The following SLC9C1 variants were observed in gnomAD, a reference collection of about 807,000 sequenced individuals.
SLC9C1 encodes the protein sodium/hydrogen exchanger 10.
SLC9C1 carries 97 observed loss-of-function variants against 140.9 expected under a neutral mutation model. The observed-to-expected ratio is 0.69, with a 90% CI of 0.58 to 0.82. The LOEUF (loss-of-function observed/expected upper bound fraction) is 0.82. SLC9C1 is among the 40% of genes least tolerant of loss of function. The probability of loss-of-function intolerance (pLI) is 0.00; values close to 1 mark genes in which losing one functional copy is unlikely to be tolerated. For missense variants in SLC9C1, 1,340 were observed against 1,389.3 expected, an observed-to-expected ratio of 0.96 and a Z score of 0.56; for synonymous variants, 440 against 442.6, an observed-to-expected ratio of 0.99 and a Z score of 0.07.
intron 20 of SLC9C1, chr3:112,185,999 G>A: frequency 1.3e-6 from 2 of 1,537,102 alleles, no homozygotes; most frequent in Non-Finnish European, 8.7e-7. Flanking sequence ...AGGCCCCGCG[G>A]TATTTAGCAC....
At chr3:112,235,249 G>T (rs1181077719) in intron 12 of SLC9C1, among the ~76,000 whole-genome samples, 1 of 108,474 alleles carries the variant, frequency 9.2e-6, no homozygotes, top group African/African-American at 3.2e-5. Context: ...GTGAATGGGA[G>T]TTCACTCATG....
At chr3:112,293,978 C>G (rs1470236652) in intron 1 of SLC9C1, 115 bp downstream of exon 1, 2 of 152,078 alleles carry the variant, frequency 1.3e-5, no homozygotes, top group African/African-American at 4.8e-5. Flanking sequence ...GTGGCTGAAT[C>G]TCTAGCAGGA....
chr3:112,249,422 G>A lies in SLC9C1; in HGVS notation c.1198-5346C>T, dbSNP rs993535292. Among the ~76,000 whole-genome samples the A allele has an allele frequency of 6.6e-5, 10 of 151,894 alleles. No individual in the cohort carries two copies. The South Asian group carries it at 1.9e-3, about 28-fold the overall frequency. The stretch of plus-strand genomic sequence containing the variant: ...TGGCCCGAAGTTTTATTTTTCTGTT[G>A]TGTCTCTGCTAGCTCTGCCAGGTTT... On this transcript the variant is annotated intron_variant, in intron 10 of 28. Coordinates refer to ENST00000305815, the MANE Select transcript of SLC9C1 (RefSeq NM_183061.3).
At chr3:112,241,977 A>T (rs994262597) in intron 11 of SLC9C1, among the ~76,000 whole-genome samples, 2 of 152,182 alleles carry the variant, frequency 1.3e-5, no homozygotes, top group Non-Finnish European at 2.9e-5. Flanking sequence ...TAAATGTAAG[A>T]CCTCAATTAT....
At position 112,217,435 on chromosome 3, in the gene SLC9C1, CACTT is replaced by C. The variant is rs754809850; in HGVS notation, c.1790+3_1790+6del. 6.3e-7 allele frequency: 1 copy of C among 1,577,886 alleles called. No homozygotes were observed. ...TAGCATTTCTTATAAGGTTCAAAAG[CACTT>C]ACTTTGATGGGCCCTCTTTTTCCTT... On this transcript the variant is annotated splice_donor_5th_base_variant and intron_variant, in intron 15 of 28. Transcript: ENST00000305815.
At chr3:112,160,879 C>A (rs1048256813) in intron 26 of SLC9C1, among the ~76,000 whole-genome samples, 15 of 152,044 alleles carry the variant, frequency 9.9e-5, no homozygotes, top group African/African-American at 3.4e-4. Context: ...AGTTTACAGT[C>A]CCACCAACAG....
intron 5 of SLC9C1, 55 bp from the exon 6 acceptor site, chr3:112,275,080 T>A: frequency 6.7e-7 from 1 of 1,492,112 alleles, no homozygotes; most frequent in Non-Finnish European, 8.9e-7. Flanking sequence ...CATTAAAAAT[T>A]AAATGTTAAA....
intron 12 of SLC9C1, among the ~76,000 whole-genome samples, chr3:112,239,067 G>A (rs1560110055): frequency 6.6e-6 from 1 of 152,226 alleles, no homozygotes; most frequent in Non-Finnish European, 1.5e-5. Context: ...GGAGTCTACA[G>A]AGGCAGGCAG....
chr3:112,172,998 C>T (rs1274795404), intron 23 of SLC9C1, among the ~76,000 whole-genome samples: 1 of 151,924 alleles, frequency 6.6e-6, no homozygotes, highest in East Asian at 1.9e-4. Context: ...GATTATTGGT[C>T]TGTAATTTTC....
At chr3:112,286,638 C>A in intron 2 of SLC9C1, 66 bp downstream of exon 2, 2 of 1,361,036 alleles carry the variant, frequency 1.5e-6, no homozygotes, top group South Asian at 2.8e-5. Context: ...TTCCTTAATT[C>A]TATATGGTAG....
At chr3:112,274,039 A>C (rs963090429) in intron 6 of SLC9C1, among the ~76,000 whole-genome samples, 2 of 152,166 alleles carry the variant, frequency 1.3e-5, no homozygotes, top group East Asian at 3.9e-4. Flanking sequence ...AGTGCACCAC[A>C]ATAAAAAGGT....
intron 27 of SLC9C1, 30 bp from the exon 28 acceptor site, chr3:112,151,993 G>A: frequency 6.5e-7 from 1 of 1,545,190 alleles, no homozygotes; most frequent in Non-Finnish European, 8.7e-7. Context: ...GTTACTTGAT[G>A]TCATGATAGG....
chr3:112,251,145 G>T (rs1440074828), intron 10 of SLC9C1, among the ~76,000 whole-genome samples: 1 of 152,098 alleles, frequency 6.6e-6, no homozygotes, highest in Non-Finnish European at 1.5e-5. Context: ...AATAGAAGGG[G>T]TGAGTAAATA....
intron 15 of SLC9C1, among the ~76,000 whole-genome samples, chr3:112,215,392 T>C (rs2078331377): frequency 6.6e-6 from 1 of 152,150 alleles, no homozygotes; most frequent in African/African-American, 2.4e-5. Flanking sequence ...TAAAGGGTAG[T>C]CAATTAGGAA....
In SLC9C1 at chr3:112,286,833, C is replaced by T. The variant is rs1452536302; in HGVS notation, c.-42G>A. The T allele has an allele frequency of 1.4e-6, 2 of 1,382,126 alleles. No individual in the cohort carries two copies. Among genetic ancestry groups the T allele is most frequent in the Non-Finnish European group, 1.0e-6 (1 of 978,368 alleles). 85.6% of individuals were successfully genotyped at this position (1,382,126 alleles called of 1,614,324 possible). ...TATGCAGATTTATGTTAGAAGCAAT[C>T]TCCATATGATCATCCATCTTGTTGT... On this transcript the variant is annotated 5_prime_UTR_variant, in exon 2 of 29. Transcript: ENST00000305815.
At chr3:112,148,102 T>C (rs2074858008) in intron 28 of SLC9C1, among the ~76,000 whole-genome samples, 1 of 152,214 alleles carries the variant, frequency 6.6e-6, no homozygotes, top group Non-Finnish European at 1.5e-5. Flanking sequence ...AGGTGAGTTT[T>C]CCAATTCCAG....
rs1049550585 is a variant in SLC9C1, at chr3:112,280,714, C to G, written c.158G>C (p.Ser53Thr). Residue 53 changes from serine to threonine, a missense_variant, in exon 3 of 29, where the codon AGT (serine) becomes ACT (threonine). Physicochemically the swap from Ser to Thr is moderately conservative, Grantham distance 58. Coordinates refer to ENST00000305815, the MANE Select transcript of SLC9C1 (RefSeq NM_183061.3). ...AGATGTAAAGCTTAATACTTCAAAA[C>G]TGCATCCAAGTAAAAATAATATCAC... The part of the protein sequence containing the change: ...VPVILFLLGC[S>T]FEVLSFTSSQ... 3.1e-6 allele frequency: 5 copies of G among 1,611,710 alleles called. No homozygotes were observed. The African/African-American group carries it at 5.3e-5, about 17-fold the overall frequency.
chr3:112,232,009 G>T (rs2078843520), intron 12 of SLC9C1, among the ~76,000 whole-genome samples: 1 of 152,100 alleles, frequency 6.6e-6, no homozygotes, highest in Non-Finnish European at 1.5e-5. Flanking sequence ...AAAGGAAATG[G>T]GAGTATGAAT....
intron 5 of SLC9C1, among the ~76,000 whole-genome samples, chr3:112,275,687 A>G (rs1206379162): frequency 6.6e-6 from 1 of 152,158 alleles, no homozygotes; most frequent in East Asian, 1.9e-4. Flanking sequence ...TTATGCAGTG[A>G]AAGTCCTTTC....
Sources: allele counts gnomAD v4.1 joint callset (sites outside exome capture counted in the v4.1 genomes callset), GRCh38; gene constraint gnomAD v4.1.1; transcripts MANE v1.5; gene names NCBI Gene and HGNC (gene_info 2026-07-23, HGNC 2026-07-21).